The following SLC29A4 variants were observed in gnomAD, a reference collection of about 807,000 sequenced individuals.
The protein encoded by SLC29A4 is solute carrier family 29 member 4.
A neutral mutation model predicts 43.9 loss-of-function variants in SLC29A4; 36 were observed. That is an observed-to-expected ratio of 0.82 (90% CI 0.63 to 1.08). SLC29A4 has a LOEUF of 1.08. SLC29A4 is among the 50% of genes least tolerant of loss of function. The pLI, the probability that SLC29A4 is intolerant of heterozygous loss-of-function variation, is 0.00. For synonymous variants in SLC29A4, 491 were observed against 338.0 expected, an observed-to-expected ratio of 1.45 and a Z score of -4.97; for missense variants, 869 against 755.3, an observed-to-expected ratio of 1.15 and a Z score of -1.77.
chr7:5,287,691 A>C lies in SLC29A4; in HGVS notation c.-8-118A>C, dbSNP rs549183084. ...AGTGAGGCATAGCTTGCTTTGGCCA[A>C]CGAGTGTGACCAAAGTGACATGTGT... On this transcript the variant is annotated intron_variant, in intron 1 of 10. Transcript: ENST00000396872. 1.8e-4 allele frequency: 194 copies of C among 1,060,332 alleles called. 4 individuals carry two copies. The South Asian group carries it at 3.0e-3, about 16-fold the overall frequency. The allele number at this position is 1,060,332 out of a possible 1,614,324, so 65.7% of individuals were successfully genotyped here.
At chr7:5,287,300 C>T (rs1785013600) in intron 1 of SLC29A4, among the ~76,000 whole-genome samples, 1 of 152,066 alleles carries the variant, frequency 6.6e-6, no homozygotes, top group South Asian at 2.1e-4. Flanking sequence ...AACCTGTGGT[C>T]CCAGCTACTT....
rs1049325184 is a variant in SLC29A4 at position 5,303,250 on chromosome 7, G to C, written c.*311G>C. The C allele has an allele frequency of 6.3e-6, 3 of 474,584 alleles. No individual in the cohort carries two copies. The allele number at this position is 474,584 out of a possible 1,614,324, so 29.4% of individuals were successfully genotyped here. ...CTCCAGCCCAGCCAGCACTCTGCAG[G>C]GTCACACGCACCGTGTCCCCACCCA... is the stretch of plus-strand genomic sequence containing the variant. On this transcript the variant is annotated 3_prime_UTR_variant, in exon 11 of 11. Transcript: ENST00000396872.
At chr7:5,300,782 C>CA (rs1786108226) in intron 10 of SLC29A4, 120 bp downstream of exon 10, 1 of 1,366,738 alleles carries the variant, frequency 7.3e-7, no homozygotes, top group African/African-American at 1.5e-5. Flanking sequence ...TCAGAACAGT[C>CA]AGTGTCTGGG....
intron 10 of SLC29A4, among the ~76,000 whole-genome samples, chr7:5,302,115 G>A (rs1029542941): frequency 2.0e-5 from 3 of 152,006 alleles, no homozygotes; most frequent in African/African-American, 4.8e-5. Context: ...CATACCTGGC[G>A]AATGTTTGTA....
intron 1 of SLC29A4, among the ~76,000 whole-genome samples, chr7:5,286,922 C>T (rs988958067): frequency 3.9e-5 from 6 of 152,248 alleles, no homozygotes; most frequent in Non-Finnish European, 8.8e-5. Context: ...GAGGCTCACT[C>T]ATGTCACCTG....
intron 9 of SLC29A4, 50 bp from the exon 10 acceptor site, chr7:5,300,372 G>A (rs769126306): frequency 2.5e-6 from 4 of 1,607,334 alleles, no homozygotes; most frequent in East Asian, 2.2e-5. Flanking sequence ...GGTGTGAGGC[G>A]AGTGGGGCTG....
rs546803241 is a variant in SLC29A4, at chr7:5,284,092, G to T, written c.-9+1010G>T. On this transcript the variant is annotated intron_variant, in intron 1 of 10. Coordinates refer to ENST00000396872, the MANE Select transcript of SLC29A4 (RefSeq NM_153247.4). ...CCTCAGTCGCCCTCCCTGCAAAGTG[G>T]TGAGGGGCCTTGGCCAGAAGCAGTG... 3.3e-3 allele frequency among the ~76,000 whole-genome samples: 482 copies of T among 147,784 alleles called. 2 individuals carry two copies. Among genetic ancestry groups the T allele is most frequent in the African/African-American group, 0.012 (472 of 39,392 alleles).
At chr7:5,296,747 G>A (rs562649212) in intron 6 of SLC29A4, among the ~76,000 whole-genome samples, 189 bp from the exon 7 acceptor site, 1 of 141,912 alleles carries the variant, frequency 7.0e-6, no homozygotes, top group African/African-American at 2.7e-5. Context: ...GGGGCCGGCG[G>A]TGATGGGCGG....
chr7:5,296,885 G>GT (rs1785713670), intron 6 of SLC29A4, 51 bp from the exon 7 acceptor site: 1 of 1,424,686 alleles, frequency 7.0e-7, no homozygotes, highest in Non-Finnish European at 9.4e-7. Context: ...GGACGGGGCG[G>GT]TGCAGGGAGC....
intron 2 of SLC29A4, among the ~76,000 whole-genome samples, chr7:5,288,819 G>A (rs935105802): frequency 1.3e-5 from 2 of 152,154 alleles, no homozygotes; most frequent in Admixed American, 6.5e-5. Context: ...AACTGACTTT[G>A]AGATCAGACT....
At position 5,291,686 on chromosome 7, in the gene SLC29A4, C is replaced by T. The variant is rs746487655; in HGVS notation, c.416-7C>T. The T allele has an allele frequency of 1.2e-6, 2 of 1,602,614 alleles. No homozygotes were observed. On this transcript the variant is annotated splice_polypyrimidine_tract_variant and splice_region_variant and intron_variant, in intron 4 of 10. Coordinates refer to ENST00000396872, the MANE Select transcript of SLC29A4 (RefSeq NM_153247.4). The stretch of plus-strand genomic sequence containing the variant: ...ACCACTCCCCTCACTAGCCTCTCCC[C>T]CAACAGGCTACCTCTTAGCCTTGGG...
chr7:5,295,127 T>A (rs1233094081), intron 6 of SLC29A4, among the ~76,000 whole-genome samples, 193 bp downstream of exon 6: 1 of 152,014 alleles, frequency 6.6e-6, no homozygotes, highest in African/African-American at 2.4e-5. Context: ...CACTCCCACA[T>A]GGGAGGGACA....
chr7:5,283,629 C>T (rs1192979624), intron 1 of SLC29A4, among the ~76,000 whole-genome samples: 1 of 152,164 alleles, frequency 6.6e-6, no homozygotes, highest in African/African-American at 2.4e-5. Flanking sequence ...GTGGCCCCTG[C>T]ATGCATCGGT....
rs1457634352 is a variant in SLC29A4 at position 5,305,584 on chromosome 7, T to C, written c.*2645T>C. On this transcript the variant is annotated 3_prime_UTR_variant, in exon 11 of 11. Transcript: ENST00000396872. Reference sequence around the variant, plus strand: ...TTTTTTTTTTTTTTTTTTGGAGGAGTTTCGCTTTTGTTGCCCAGGCTGGAG... The same window carrying C: ...TTTTTTTTTTTTTTTTTTGGAGGAGCTTCGCTTTTGTTGCCCAGGCTGGAG... The C allele has an allele frequency of 9.0e-6, 1 of 111,262 alleles. No individual in the cohort carries two copies. The highest frequency in any genetic ancestry group is 2.8e-4 in the East Asian group (1 of 3,552). The allele number at this position is 111,262 out of a possible 1,614,324, so 6.9% of individuals were successfully genotyped here.
chr7:5,301,463 A>G (rs1167649406), intron 10 of SLC29A4, among the ~76,000 whole-genome samples: 2 of 152,098 alleles, frequency 1.3e-5, no homozygotes, highest in Non-Finnish European at 2.9e-5. Context: ...CAAGGGAGAT[A>G]GCCATGTGAG....
chr7:5,298,977 C>A lies in SLC29A4; in HGVS notation c.883-11C>A. 1 of 1,605,986 alleles carries A rather than the reference C, an allele frequency of 6.2e-7. No homozygotes were observed. The highest frequency in any genetic ancestry group is 8.5e-7 in the Non-Finnish European group (1 of 1,178,858). ...CCACTCCAACCCCATCCCACTCCAT[C>A]CTCCCTCCAGGAGCACCCAGCCCCG... On this transcript the variant is annotated splice_polypyrimidine_tract_variant and intron_variant, in intron 7 of 10. Transcript: ENST00000396872.
rs199555796 is a variant in SLC29A4, at chr7:5,287,924, G to T, written c.108G>T (p.Ala36=). The T allele has an allele frequency of 3.1e-6, 5 of 1,611,862 alleles. No homozygotes were observed. Among genetic ancestry groups the T allele is most frequent in the Non-Finnish European group, 4.2e-6 (5 of 1,179,778 alleles). Residue 36 remains alanine, a synonymous_variant, in exon 2 of 11, where the codon GCG becomes GCT. Transcript: ENST00000396872. ...FTFDSHQLEE[A]AEAAQGQGLR... ...TCGACAGTCACCAGCTGGAGGAGGC[G>T]GCGGAGGCGGCTCAGGGCCAGGGCC...
In SLC29A4 at chr7:5,300,439, C is replaced by T. The variant is rs1380399484; in HGVS notation, c.1227C>T (p.Pro409=). 9.3e-6 allele frequency: 15 copies of T among 1,611,344 alleles called. No individual in the cohort carries two copies. The highest frequency in any genetic ancestry group is 2.2e-4 in the Middle Eastern group (1 of 4,468). The change falls in exon 10 of 11, where the codon CCC becomes CCT. Residue 409 remains proline, a synonymous_variant. Transcript: ENST00000396872. ...CTCTGCAGATCCTGGCAGCCCTGCC[C>T]GTGGACTGGCGGGGCACCCACCTGC... ...DFVGKILAAL[P]VDWRGTHLLA...
At position 5,296,974 on chromosome 7, in the gene SLC29A4, A is replaced by C; in HGVS notation, c.658A>C (p.Thr220Pro). 1.2e-6 allele frequency: 2 copies of C among 1,600,434 alleles called. No homozygotes were observed. The highest frequency in any genetic ancestry group is 1.1e-5 in the South Asian group (1 of 90,890). The change falls in exon 7 of 11, where the codon ACG becomes CCG. Residue 220 changes from threonine (T) to proline (P), a missense_variant. Transcript: ENST00000396872. ...GVMISLSRILTKLLLPDERAS... is the reference protein window; with the variant it reads ...GVMISLSRILPKLLLPDERAS... ...GATGATCTCTCTGAGCCGCATCCTCACGAAGCTGCTGCTGCCCGACGAGCG... is the reference window on the plus strand; with the variant it reads ...GATGATCTCTCTGAGCCGCATCCTCCCGAAGCTGCTGCTGCCCGACGAGCG...
Sources: gnomAD v4.1 joint callset for allele counts (sites outside exome capture counted in the v4.1 genomes callset) on GRCh38, gnomAD v4.1.1 for gene constraint, MANE v1.5 for transcripts, NCBI Gene and HGNC (gene_info 2026-07-23, HGNC 2026-07-21) for gene names.